MTUS2: variants seen among roughly 807,000 people sequenced by gnomAD.
MTUS2 encodes the protein microtubule associated scaffold protein 2, also known as microtubule-associated tumor suppressor candidate 2.
Under a neutral mutation model 114.1 loss-of-function variants are expected in MTUS2, and 40 were observed. The observed-to-expected ratio is 0.35, with a 90% CI of 0.27 to 0.46. The LOEUF (loss-of-function observed/expected upper bound fraction) is 0.46. Ranked by LOEUF, MTUS2 falls within the 20% of genes least tolerant of loss-of-function variation. The probability of loss-of-function intolerance (pLI) is 1.00; values close to 1 mark genes in which losing one functional copy is unlikely to be tolerated. For missense variants in MTUS2, 1,679 were observed against 1,705.4 expected, an observed-to-expected ratio of 0.98 and a Z score of 0.27; for synonymous variants, 688 against 672.0, an observed-to-expected ratio of 1.02 and a Z score of -0.37.
intron 3 of MTUS2, among the ~76,000 whole-genome samples, chr13:29,032,236 A>G (rs1459756688): frequency 6.6e-6 from 1 of 152,224 alleles, no homozygotes; most frequent in Non-Finnish European, 1.5e-5. Context: ...AAATTACCCA[A>G]CAAAATGACA....
chr13:29,255,014 G>C (rs543434421), intron 5 of MTUS2, among the ~76,000 whole-genome samples: 1 of 152,264 alleles, frequency 6.6e-6, no homozygotes, highest in South Asian at 2.1e-4. Flanking sequence ...AATGCACCCT[G>C]TGATTTTTTC....
chr13:29,001,742 G>A (rs1885394099), intron 2 of MTUS2, among the ~76,000 whole-genome samples: 1 of 152,166 alleles, frequency 6.6e-6, no homozygotes, highest in South Asian at 2.1e-4. Flanking sequence ...TGTGATTAAG[G>A]TAAGGATATT....
chr13:29,020,003 C>T (rs75180201), intron 2 of MTUS2, among the ~76,000 whole-genome samples: 1,611 of 152,256 alleles, frequency 0.011, 29 homozygotes, highest in African/African-American at 0.037. Flanking sequence ...GGAAGAATTG[C>T]ATCATTCTGC....
At chr13:29,283,234 C>G (rs1182678421) in intron 6 of MTUS2, among the ~76,000 whole-genome samples, 2 of 152,200 alleles carry the variant, frequency 1.3e-5, no homozygotes, top group African/African-American at 4.8e-5. Flanking sequence ...ACCTCTTGCT[C>G]TAGCAGCACC....
At position 29,035,337 on chromosome 13, in the gene MTUS2, C is replaced by T. The variant is rs148865612; in HGVS notation, c.2446+1212C>T. Among the ~76,000 whole-genome samples the T allele has an allele frequency of 1.2e-3, 177 of 152,252 alleles. 1 individual carries two copies. The highest frequency in any genetic ancestry group is 0.01 in the Middle Eastern group (3 of 294). ...TGGAAGATGTCACATGCCTTCTTAG[C>T]GCTGCTGGGGGGATCACCTGCCAGA... On this transcript the variant is annotated intron_variant, in intron 4 of 15. Coordinates refer to ENST00000612955, the MANE Select transcript of MTUS2 (RefSeq NM_001033602.4).
intron 5 of MTUS2, among the ~76,000 whole-genome samples, chr13:29,160,451 A>G (rs1024292500): frequency 1.2e-4 from 18 of 152,198 alleles, no homozygotes; most frequent in African/African-American, 4.3e-4. Flanking sequence ...GTAGGCTAGT[A>G]GAGGTTAAGG....
chr13:29,297,749 T>A (rs987862917), intron 6 of MTUS2, among the ~76,000 whole-genome samples: 2 of 152,206 alleles, frequency 1.3e-5, no homozygotes, highest in African/African-American at 2.4e-5. Flanking sequence ...GTCCTAAACA[T>A]GTTTGAGGTA....
chr13:29,235,938 C>G (rs1195398889), intron 5 of MTUS2, among the ~76,000 whole-genome samples: 2 of 152,134 alleles, frequency 1.3e-5, no homozygotes, highest in African/African-American at 4.8e-5. Context: ...CATTTTTCTA[C>G]AAAATTACGC....
chr13:29,495,355 CAAAAAAAAAAAAAAA>C (rs561721512), intron 12 of MTUS2, among the ~76,000 whole-genome samples: 5 of 29,808 alleles, frequency 1.7e-4, no homozygotes, highest in Admixed American at 1.2e-3. Flanking sequence ...GAGTCTTTGT[CAAAAAAAAAAAAAAA>C]AAAAAAAAAA....
intron 2 of MTUS2, among the ~76,000 whole-genome samples, chr13:28,908,138 C>A (rs1880164543): frequency 6.6e-6 from 1 of 151,392 alleles, no homozygotes; most frequent in African/African-American, 2.4e-5. Flanking sequence ...GCAACTATTT[C>A]TTTCTTTGTT....
intron 8 of MTUS2, among the ~76,000 whole-genome samples, chr13:29,375,540 TG>T (rs1871559335): frequency 0.018 from 66 of 3,718 alleles, 3 homozygotes; most frequent in Middle Eastern, 0.17. Flanking sequence ...TATATATACG[TG>T]TATATATATA....
intron 2 of MTUS2, among the ~76,000 whole-genome samples, chr13:29,022,065 A>G (rs1566298180): frequency 1.3e-5 from 2 of 152,200 alleles, no homozygotes; most frequent in Non-Finnish European, 1.5e-5. Context: ...ATGCACATGT[A>G]TGACTCTGTA....
intron 2 of MTUS2, among the ~76,000 whole-genome samples, chr13:28,877,140 A>T (rs1016243769): frequency 1.3e-5 from 2 of 150,664 alleles, no homozygotes; most frequent in Non-Finnish European, 3.0e-5. Context: ...ATACAAAAAA[A>T]AAAAACAACA....
intron 1 of MTUS2, among the ~76,000 whole-genome samples, chr13:28,825,267 A>G (rs1206287123): frequency 6.6e-6 from 1 of 152,198 alleles, no homozygotes; most frequent in African/African-American, 2.4e-5. Flanking sequence ...GATGGCTCCC[A>G]CTGGTTTGTC....
At chr13:28,998,082 C>T (rs1885202505) in intron 2 of MTUS2, among the ~76,000 whole-genome samples, 1 of 152,002 alleles carries the variant, frequency 6.6e-6, no homozygotes, top group Non-Finnish European at 1.5e-5. Flanking sequence ...TTAGGGCAGG[C>T]CTGGTGGTGA....
chr13:28,852,900 A>AATACATACATAC (rs11274039), intron 2 of MTUS2, among the ~76,000 whole-genome samples: 14,004 of 148,356 alleles, frequency 0.094, 940 homozygotes, highest in African/African-American at 0.18. Flanking sequence ...CTCTGTCTTA[A>AATACATACATAC]ATACATACAT....
rs983188416 is a variant in MTUS2, at chr13:29,501,084, G to A, written c.3799-13G>A. 1.2e-6 allele frequency: 2 copies of A among 1,612,346 alleles called. No homozygotes were observed. The highest frequency in any genetic ancestry group is 8.5e-7 in the Non-Finnish European group (1 of 1,178,598). On this transcript the variant is annotated splice_polypyrimidine_tract_variant and intron_variant, in intron 14 of 15. Transcript: ENST00000612955. The stretch of plus-strand genomic sequence containing the variant: ...GCCTTGCTAGAACCTCTTAAACACT[G>A]TTTCCTTTGTAGGCAGAAAAGAACA...
intron 8 of MTUS2, among the ~76,000 whole-genome samples, chr13:29,431,521 A>G (rs1876988920): frequency 6.6e-6 from 1 of 152,214 alleles, no homozygotes; most frequent in Admixed American, 6.5e-5. Flanking sequence ...ACTGGAGTAT[A>G]ATTAAGTGAA....
chr13:29,417,091 A>C (rs888032943), intron 8 of MTUS2, among the ~76,000 whole-genome samples: 2 of 152,236 alleles, frequency 1.3e-5, no homozygotes. Context: ...TTGTGCAAGC[A>C]TGGCACCTGC....
Sources: allele counts gnomAD v4.1 joint callset (sites outside exome capture counted in the v4.1 genomes callset), GRCh38; gene constraint gnomAD v4.1.1; transcripts MANE v1.5; gene names NCBI Gene and HGNC (gene_info 2026-07-23, HGNC 2026-07-21).